Variants in SLC16A10 observed in about 807,000 individuals in gnomAD.
The protein encoded by SLC16A10 is monocarboxylate transporter 10.
A neutral mutation model predicts 40.0 loss-of-function variants in SLC16A10; 27 were observed. The observed-to-expected ratio is 0.67, with a 90% CI of 0.50 to 0.93. The LOEUF is 0.93. SLC16A10 is among the 40% of genes least tolerant of loss of function. SLC16A10 has a pLI of 0.00. For synonymous variants in SLC16A10, 213 were observed against 249.8 expected, an observed-to-expected ratio of 0.85 and a Z score of 1.39; for missense variants, 529 against 658.2, an observed-to-expected ratio of 0.80 and a Z score of 2.15.
chr6:111,194,759 G>A (rs769720765), intron 3 of SLC16A10, among the ~76,000 whole-genome samples: 1 of 152,028 alleles, frequency 6.6e-6, no homozygotes, highest in Admixed American at 6.5e-5. Context: ...GCTCTCTCAG[G>A]GACTTTTCAG....
chr6:111,204,766 G>A (rs980308151), intron 3 of SLC16A10, among the ~76,000 whole-genome samples: 6 of 152,072 alleles, frequency 3.9e-5, no homozygotes, highest in African/African-American at 7.2e-5. Context: ...CACAAAATCC[G>A]GATTTCTGAC....
intron 1 of SLC16A10, among the ~76,000 whole-genome samples, chr6:111,167,846 A>ATT (rs202008455): frequency 6.6e-6 from 1 of 150,440 alleles, no homozygotes; most frequent in Non-Finnish European, 1.5e-5. Context: ...TTTTTAAAGT[A>ATT]TTTTTTTTTG....
chr6:111,150,911 A>G (rs764926796), intron 1 of SLC16A10, among the ~76,000 whole-genome samples: 5 of 152,224 alleles, frequency 3.3e-5, no homozygotes, highest in African/African-American at 7.2e-5. Flanking sequence ...TCTCCACAAC[A>G]TAACTACTTA....
chr6:111,180,129 A>T (rs761368416), intron 3 of SLC16A10, among the ~76,000 whole-genome samples: 7 of 152,258 alleles, frequency 4.6e-5, no homozygotes, highest in Non-Finnish European at 8.8e-5. Flanking sequence ...GTAATTAAAA[A>T]TGGCTACAGT....
intron 1 of SLC16A10, among the ~76,000 whole-genome samples, chr6:111,088,770 ATTTT>A (rs923187823): frequency 6.6e-6 from 1 of 151,134 alleles, no homozygotes; most frequent in Non-Finnish European, 1.5e-5. Flanking sequence ...GTTTTTTGAC[ATTTT>A]TTTTTAACCA....
chr6:111,088,176 G>A, intron 1 of SLC16A10, 81 bp downstream of exon 1: 8 of 1,402,848 alleles, frequency 5.7e-6, no homozygotes, highest in Middle Eastern at 1.8e-4. Context: ...GGCTGTGTCT[G>A]CCTCCGAGTG....
intron 1 of SLC16A10, among the ~76,000 whole-genome samples, chr6:111,122,569 C>T (rs916724660): frequency 2.0e-5 from 3 of 152,196 alleles, no homozygotes; most frequent in South Asian, 2.1e-4. Context: ...TCCATGCAGA[C>T]CTAGCACCTG....
chr6:111,183,876 G>T (rs1162999945), intron 3 of SLC16A10, among the ~76,000 whole-genome samples: 2 of 152,210 alleles, frequency 1.3e-5, no homozygotes, highest in Non-Finnish European at 2.9e-5. Flanking sequence ...AGAATAGGAT[G>T]CAGGATGCAG....
In SLC16A10 at chr6:111,218,885, T is replaced by C. The variant is rs1770832818; in HGVS notation, c.1158T>C (p.Ile386=). The C allele has an allele frequency of 6.2e-7, 1 of 1,614,062 alleles. No homozygotes were observed. The highest frequency in any genetic ancestry group is 1.7e-5 in the Admixed American group (1 of 60,006). ...TGTGTAGCATCTTTGGGGCCCTCAT[T>C]GCTGTGTGCCTCATCATGGGTCTCT... The part of the protein sequence containing the change: ...IPLCSIFGAL[I]AVCLIMGLFD... The change falls in exon 5 of 6, where the codon ATT becomes ATC. Residue 386 remains isoleucine, a synonymous_variant. Transcript: ENST00000368851.
At chr6:111,182,819 C>T (rs1161870671) in intron 3 of SLC16A10, among the ~76,000 whole-genome samples, 1 of 152,140 alleles carries the variant, frequency 6.6e-6, no homozygotes, top group Non-Finnish European at 1.5e-5. Flanking sequence ...GCTCTTCTTT[C>T]TTGCACACCA....
At chr6:111,129,013 T>G (rs1771735218) in intron 1 of SLC16A10, among the ~76,000 whole-genome samples, 1 of 152,250 alleles carries the variant, frequency 6.6e-6, no homozygotes, top group South Asian at 2.1e-4. Context: ...TTTTCATTTT[T>G]ATACACAGTT....
chr6:111,131,432 C>G (rs1385341179), intron 1 of SLC16A10, among the ~76,000 whole-genome samples: 1 of 152,202 alleles, frequency 6.6e-6, no homozygotes, highest in Non-Finnish European at 1.5e-5. Context: ...TTGGAAGCAG[C>G]CCGCCACCAT....
At position 111,184,974 on chromosome 6, in the gene SLC16A10, C is replaced by T. The variant is rs372914006; in HGVS notation, c.942+7309C>T. Among the ~76,000 whole-genome samples the T allele has an allele frequency of 1.9e-4, 29 of 152,318 alleles. No individual in the cohort carries two copies. The East Asian group carries it at 5.4e-3, about 28-fold the overall frequency. ...TTACACTGTGGTCAGAGCAGCAGTA[C>T]TGCTCCAAGCCAGAGCTAAGGGCGC... On this transcript the variant is annotated intron_variant, in intron 3 of 5. Coordinates refer to ENST00000368851, the MANE Select transcript of SLC16A10 (RefSeq NM_018593.5).
chr6:111,184,141 A>G (rs1348853805), intron 3 of SLC16A10, among the ~76,000 whole-genome samples: 1 of 152,124 alleles, frequency 6.6e-6, no homozygotes, highest in Non-Finnish European at 1.5e-5. Flanking sequence ...CTCCCCTGCT[A>G]CTCAGATTGA....
chr6:111,131,707 G>A (rs984377977), intron 1 of SLC16A10, among the ~76,000 whole-genome samples: 1 of 152,170 alleles, frequency 6.6e-6, no homozygotes, highest in East Asian at 1.9e-4. Context: ...GGGCTGTCTG[G>A]AACCAGCTTC....
chr6:111,117,246 G>A (rs899929712), intron 1 of SLC16A10, among the ~76,000 whole-genome samples: 7 of 151,656 alleles, frequency 4.6e-5, no homozygotes, highest in Admixed American at 4.0e-4. Context: ...CAGCTACTTG[G>A]GAGGCTGAGG....
At position 111,231,045 on chromosome 6, in the gene SLC16A10, AC is replaced by A. The variant is rs1299195585; in HGVS notation, c.*8811del. ...TGCTTCTTTTTGAAGACTATAATTT[AC>A]AATTTTTTTAATAATGTGCAATTTA... On this transcript the variant is annotated 3_prime_UTR_variant, in exon 6 of 6. Coordinates refer to ENST00000368851, the MANE Select transcript of SLC16A10 (RefSeq NM_018593.5). The A allele has an allele frequency of 2.0e-5, 3 of 152,210 alleles. No individual in the cohort carries two copies. Among genetic ancestry groups the A allele is most frequent in the African/African-American group, 7.2e-5 (3 of 41,460 alleles). The allele number at this position is 152,210 out of a possible 1,614,324, so 9.4% of individuals were successfully genotyped here.
chr6:111,094,557 T>C (rs1246136967), intron 1 of SLC16A10, among the ~76,000 whole-genome samples: 1 of 152,240 alleles, frequency 6.6e-6, no homozygotes, highest in Non-Finnish European at 1.5e-5. Context: ...ATCAGAGTTC[T>C]TTTGTGTTTA....
intron 4 of SLC16A10, among the ~76,000 whole-genome samples, chr6:111,207,076 C>T (rs1010991614): frequency 2.0e-5 from 3 of 152,136 alleles, no homozygotes; most frequent in Non-Finnish European, 4.4e-5. Context: ...GGTGATCTGC[C>T]CGCCTCGGCC....
Sources: gnomAD v4.1 joint callset for allele counts (sites outside exome capture counted in the v4.1 genomes callset) on GRCh38, gnomAD v4.1.1 for gene constraint, MANE v1.5 for transcripts, NCBI Gene and HGNC (gene_info 2026-07-23, HGNC 2026-07-21) for gene names.